Variants in HSPA14 observed in about 807,000 individuals in gnomAD.
HSPA14 encodes heat shock protein family A (Hsp70) member 14.
HSPA14 carries 37 observed loss-of-function variants against 65.5 expected under a neutral mutation model. That is an observed-to-expected ratio of 0.56 (90% CI 0.43 to 0.74). The LOEUF (loss-of-function observed/expected upper bound fraction) is 0.74, where lower values mean the gene tolerates loss of function less well. Ranked by LOEUF, HSPA14 falls within the 30% of genes least tolerant of loss-of-function variation. The pLI, the probability that HSPA14 is intolerant of heterozygous loss-of-function variation, is 0.00. For missense variants in HSPA14, 564 were observed against 607.6 expected (o/e 0.93, Z 0.75); for synonymous variants, 203 against 214.2 (o/e 0.95, Z 0.46).
At chr10:14,839,850 T>G in intron 1 of HSPA14, 55 bp from the exon 2 acceptor site, 1 of 1,318,574 alleles carries the variant, frequency 7.6e-7, no homozygotes. Flanking sequence ...GGTGCACAAA[T>G]GCACACGTCT....
At chr10:14,845,184 G>A in intron 3 of HSPA14, 1 of 985,372 alleles carries the variant, frequency 1.0e-6, no homozygotes, top group Non-Finnish European at 1.2e-6. Context: ...TACTCTAGAA[G>A]GGAAGACATT....
chr10:14,861,881 G>A (rs137908586), intron 10 of HSPA14, among the ~76,000 whole-genome samples: 2 of 151,734 alleles, frequency 1.3e-5, no homozygotes, highest in Middle Eastern at 3.4e-3. Context: ...GCGTGATGGT[G>A]CGCGCCTGTA....
chr10:14,852,410 C>G lies in HSPA14; in HGVS notation c.613C>G (p.Leu205Val), dbSNP rs1478973733. The change falls in exon 8 of 14, where the codon CTC becomes GTC. Residue 205 changes from leucine to valine, a missense_variant. Transcript: ENST00000378372. ...VFKLGGTSLS[L>V]SVMEVNSGIY... Reference sequence around the variant, plus strand: ...TAAGCTTGGAGGAACATCCTTATCTCTCAGCGTCATGGAAGTTAACAGTGG... The same window carrying G: ...TAAGCTTGGAGGAACATCCTTATCTGTCAGCGTCATGGAAGTTAACAGTGG... 1.9e-6 allele frequency: 3 copies of G among 1,613,796 alleles called. No individual in the cohort carries two copies. Among genetic ancestry groups the G allele is most frequent in the South Asian group, 1.1e-5 (1 of 91,082 alleles).
At chr10:14,850,033 C>A (rs2400104) in intron 6 of HSPA14, among the ~76,000 whole-genome samples, 16 of 151,782 alleles carry the variant, frequency 1.1e-4, no homozygotes, top group African/African-American at 3.9e-4. Flanking sequence ...GGGACACTGA[C>A]GGGGGGGCGG....
chr10:14,838,371 C>G lies in HSPA14; in HGVS notation c.-32C>G. The G allele has an allele frequency of 6.3e-7, 1 of 1,582,824 alleles. No individual in the cohort carries two copies. Among genetic ancestry groups the G allele is most frequent in the Middle Eastern group, 1.9e-4 (1 of 5,392 alleles). On this transcript the variant is annotated 5_prime_UTR_variant, in exon 1 of 14. Transcript: ENST00000378372. The stretch of plus-strand genomic sequence containing the variant: ...GTAGCTGTTGCTGTTGGGGGACCCC[C>G]TCATTCCTGCCGCTGCCGTCCCTGC...
At chr10:14,854,413 G>C (rs1834131397) in intron 9 of HSPA14, 133 bp downstream of exon 9, 1 of 691,252 alleles carries the variant, frequency 1.4e-6, no homozygotes, top group Non-Finnish European at 2.3e-6. Context: ...TCACTTTATT[G>C]GGGTCCAGTT....
At chr10:14,869,486 A>G (rs1192047496) in intron 12 of HSPA14, among the ~76,000 whole-genome samples, 3 of 151,936 alleles carry the variant, frequency 2.0e-5, no homozygotes, top group South Asian at 2.1e-4. Context: ...TAGTAGAGAC[A>G]GTTTCACTGT....
Position 14,840,065 on chromosome 10 carries a change from T to A in HSPA14, c.139-10T>A, listed in dbSNP as rs1833953739. On this transcript the variant is annotated splice_polypyrimidine_tract_variant and intron_variant, in intron 2 of 13. Transcript: ENST00000378372. ...TAATATATATATATATATATTATTT[T>A]TTTTTTCAGATTGTTGGATTGGCAG... The A allele has an allele frequency of 4.6e-6, 6 of 1,308,558 alleles. No homozygotes were observed. Among genetic ancestry groups the A allele is most frequent in the African/African-American group, 3.0e-5 (2 of 66,812 alleles). The allele number at this position is 1,308,558 out of a possible 1,614,324, so 81.1% of individuals were successfully genotyped here.
rs538056476 is a variant in HSPA14 at position 14,845,492 on chromosome 10, C to T, written c.222-3117C>T. 1.2e-3 allele frequency: 1,172 copies of T among 985,060 alleles called. 2 individuals carry two copies. The highest frequency in any genetic ancestry group is 1.3e-3 in the Non-Finnish European group (1,099 of 829,776). 61.0% of individuals were successfully genotyped at this position (985,060 alleles called of 1,614,324 possible). A position where few individuals can be genotyped will look rare whatever the true frequency, so the allele number is the denominator to read the frequency against. The stretch of plus-strand genomic sequence containing the variant: ...CCAAGCCAGGGATGGAGGTGTGAGG[C>T]GGCTGGTGTGGTAGAATATGTTGGA... On this transcript the variant is annotated intron_variant, in intron 3 of 13. Transcript: ENST00000378372.
In HSPA14 at chr10:14,842,462, C is replaced by T. The variant is rs1320143188; in HGVS notation, c.221+2305C>T. The T allele has an allele frequency of 3.6e-5, 55 of 1,536,036 alleles. No individual in the cohort carries two copies. The highest frequency in any genetic ancestry group is 4.6e-5 in the Non-Finnish European group (53 of 1,146,912). Reference sequence around the variant, plus strand: ...GCAGGAGGGCTTCCGCCGCACCGAACGTCAGTGCCGCTCCAAGTTTAAAGT... The same window carrying T: ...GCAGGAGGGCTTCCGCCGCACCGAATGTCAGTGCCGCTCCAAGTTTAAAGT... On this transcript the variant is annotated intron_variant, in intron 3 of 13. Coordinates refer to ENST00000378372, the MANE Select transcript of HSPA14 (RefSeq NM_016299.4). This position sits in a 1 kb window ranked among gnomAD's most constrained non-coding sequence, Gnocchi z 5.2.
At chr10:14,854,376 G>C in intron 9 of HSPA14, 96 bp downstream of exon 9, 1 of 1,022,204 alleles carries the variant, frequency 9.8e-7, no homozygotes, top group Non-Finnish European at 1.4e-6. Context: ...TTGTTTGTTT[G>C]AGATTTATCA....
At position 14,871,514 on chromosome 10, in the gene HSPA14, T is replaced by C. The variant is rs867076765; in HGVS notation, c.1452-14T>C. Reference sequence around the variant, plus strand: ...TGAGCTTGTGCAATGTTCTTTATTTTTTTGTCTGTTTAGGGATGGATCTTT... The same window carrying C: ...TGAGCTTGTGCAATGTTCTTTATTTCTTTGTCTGTTTAGGGATGGATCTTT... On this transcript the variant is annotated splice_polypyrimidine_tract_variant and intron_variant, in intron 13 of 13. Coordinates refer to ENST00000378372, the MANE Select transcript of HSPA14 (RefSeq NM_016299.4). The C allele has an allele frequency of 5.3e-6, 8 of 1,507,924 alleles. No homozygotes were observed. The highest frequency in any genetic ancestry group is 1.7e-4 in the Middle Eastern group (1 of 5,850). 93.4% of individuals were successfully genotyped at this position (1,507,924 alleles called of 1,614,324 possible).
At chr10:14,848,991 G>A in intron 5 of HSPA14, 96 bp downstream of exon 5, 2 of 662,732 alleles carry the variant, frequency 3.0e-6, no homozygotes, top group Non-Finnish European at 5.2e-6. Context: ...CTTGGGAGAA[G>A]CAGAGTGATT....
intron 3 of HSPA14, chr10:14,846,623 C>T (rs1329659555): frequency 1.0e-6 from 1 of 954,614 alleles, no homozygotes; most frequent in African/African-American, 1.8e-5. Flanking sequence ...AACTCAGGTT[C>T]CTCATTTATA....
In HSPA14 at chr10:14,842,618, A is replaced by G. The variant is rs1179303216; in HGVS notation, c.221+2461A>G. On this transcript the variant is annotated intron_variant, in intron 3 of 13. Coordinates refer to ENST00000378372, the MANE Select transcript of HSPA14 (RefSeq NM_016299.4). This position sits in a 1 kb window ranked among gnomAD's most constrained non-coding sequence, Gnocchi z 5.2. ...GATAGTGACTGACCCAGACAACTTAATGGAGGATGCTGCTTGGGCCAAGCA... is the reference window on the plus strand; with the variant it reads ...GATAGTGACTGACCCAGACAACTTAGTGGAGGATGCTGCTTGGGCCAAGCA... The G allele has an allele frequency of 7.8e-6, 12 of 1,536,056 alleles. No homozygotes were observed. Among genetic ancestry groups the G allele is most frequent in the Non-Finnish European group, 1.0e-5 (12 of 1,146,918 alleles).
intron 6 of HSPA14, chr10:14,850,610 T>C (rs1044562068): frequency 1.5e-4 from 23 of 152,278 alleles, no homozygotes; most frequent in Admixed American, 1.4e-3. Context: ...AATTGCCTTA[T>C]GTACTTTTAA....
chr10:14,867,412 T>C, intron 11 of HSPA14, 117 bp downstream of exon 11: 1 of 690,426 alleles, frequency 1.4e-6, no homozygotes, highest in South Asian at 2.0e-5. Flanking sequence ...CAATAAAACC[T>C]TGTATACTGA....
intron 1 of HSPA14, 44 bp downstream of exon 1, chr10:14,838,503 C>G: frequency 6.5e-7 from 1 of 1,540,996 alleles, no homozygotes; most frequent in East Asian, 2.4e-5. Context: ...GACGGCCACC[C>G]GGTTTTCTGG....
chr10:14,843,628 C>T lies in HSPA14; in HGVS notation c.221+3471C>T, dbSNP rs768124188. On this transcript the variant is annotated intron_variant, in intron 3 of 13. Transcript: ENST00000378372. ...TCCAAGGTGGGCAAGGCGAAGAAGG[C>T]GGTCAGTGGCCAGGACTATCGCAGC... is the stretch of plus-strand genomic sequence containing the variant. The T allele has an allele frequency of 5.1e-4, 784 of 1,550,320 alleles. 1 individual carries two copies. Among genetic ancestry groups the T allele is most frequent in the Non-Finnish European group, 6.6e-4 (759 of 1,147,024 alleles).
Sources: gnomAD v4.1 joint callset for allele counts (sites outside exome capture counted in the v4.1 genomes callset) on GRCh38, gnomAD v4.1.1 for gene constraint, Gnocchi (gnomAD v3.1) non-coding constraint, MANE v1.5 for transcripts, NCBI Gene and HGNC (gene_info 2026-07-23, HGNC 2026-07-21) for gene names.